Variants in GPC5 observed in about 807,000 individuals in gnomAD.
GPC5 encodes the protein glypican 5, also known as glypican-5.
GPC5 carries 47 observed loss-of-function variants against 53.9 expected under a neutral mutation model. That is an observed-to-expected ratio of 0.87 (90% CI 0.69 to 1.11). The LOEUF is 1.11. GPC5 is among the 50% of genes most tolerant of loss of function. The pLI, the probability that GPC5 is intolerant of heterozygous loss-of-function variation, is 0.00. For missense variants in GPC5, 748 were observed against 713.1 expected, an observed-to-expected ratio of 1.05 and a Z score of -0.56; for synonymous variants, 286 against 263.3, an observed-to-expected ratio of 1.09 and a Z score of -0.84.
intron 5 of GPC5, among the ~76,000 whole-genome samples, chr13:91,766,830 A>G (rs983073736): frequency 6.6e-6 from 1 of 152,208 alleles, no homozygotes; most frequent in Non-Finnish European, 1.5e-5. Context: ...ACTGCACTCC[A>G]GCCTGGGTGA....
intron 1 of GPC5, among the ~76,000 whole-genome samples, chr13:91,401,234 C>G (rs897821417): frequency 2.8e-4 from 43 of 151,824 alleles, no homozygotes; most frequent in African/African-American, 8.5e-4. Context: ...GTTGGTCATT[C>G]TTTTACAAAT....
At chr13:92,436,531 A>G (rs895521722) in intron 7 of GPC5, among the ~76,000 whole-genome samples, 4 of 152,058 alleles carry the variant, frequency 2.6e-5, no homozygotes, top group African/African-American at 7.2e-5. Context: ...CTTGCTTTCT[A>G]TTTCCCAGGC....
chr13:91,730,815 A>G (rs2036680721), intron 4 of GPC5, among the ~76,000 whole-genome samples: 1 of 152,196 alleles, frequency 6.6e-6, no homozygotes, highest in South Asian at 2.1e-4. Flanking sequence ...AAAGCACTCT[A>G]TCTCTTCCTG....
intron 2 of GPC5, among the ~76,000 whole-genome samples, chr13:91,598,465 GA>G (rs200914155): frequency 6.6e-6 from 1 of 151,782 alleles, no homozygotes; most frequent in East Asian, 1.9e-4. Context: ...ATCTAAAAAT[GA>G]AAAAAAGATT....
chr13:92,222,539 C>T (rs2042457195), intron 7 of GPC5, among the ~76,000 whole-genome samples: 1 of 152,114 alleles, frequency 6.6e-6, no homozygotes, highest in Non-Finnish European at 1.5e-5. Context: ...TTCGCACAGA[C>T]ACAAAACAAT....
intron 7 of GPC5, among the ~76,000 whole-genome samples, chr13:92,797,533 G>A (rs773204645): frequency 2.0e-5 from 3 of 151,838 alleles, no homozygotes; most frequent in Non-Finnish European, 4.4e-5. Flanking sequence ...AAGAAAACAG[G>A]TTTGGAGATC....
intron 7 of GPC5, among the ~76,000 whole-genome samples, chr13:92,328,132 G>A (rs2043264619): frequency 6.6e-6 from 1 of 152,134 alleles, no homozygotes; most frequent in Non-Finnish European, 1.5e-5. Context: ...ACCTTCTTGA[G>A]AATAGGAAAT....
chr13:92,635,783 G>A (rs1393236101), intron 7 of GPC5, among the ~76,000 whole-genome samples: 2 of 152,204 alleles, frequency 1.3e-5, no homozygotes, highest in African/African-American at 4.8e-5. Context: ...TCTTTACCAG[G>A]CTTAACGCCT....
At chr13:91,858,254 G>T (rs114500484) in intron 5 of GPC5, among the ~76,000 whole-genome samples, 3,428 of 151,964 alleles carry the variant, frequency 0.023, 66 homozygotes, top group Middle Eastern at 0.034. Context: ...CCAGGTCTTA[G>T]AGGAAAGGCT....
intron 7 of GPC5, among the ~76,000 whole-genome samples, chr13:92,637,261 G>A (rs1885438593): frequency 2.6e-5 from 4 of 152,116 alleles, no homozygotes; most frequent in Non-Finnish European, 5.9e-5. Flanking sequence ...GAGAATTTGG[G>A]AAAGAGAAGT....
intron 5 of GPC5, among the ~76,000 whole-genome samples, chr13:91,761,505 T>G (rs944903376): frequency 6.6e-6 from 1 of 152,094 alleles, no homozygotes; most frequent in South Asian, 2.1e-4. Context: ...CAGTTCCAAG[T>G]CCCATCCTCC....
At chr13:92,044,387 C>A (rs1235563692) in intron 6 of GPC5, among the ~76,000 whole-genome samples, 1 of 152,188 alleles carries the variant, frequency 6.6e-6, no homozygotes, top group Non-Finnish European at 1.5e-5. Context: ...GACTGCCACA[C>A]AGCAGCTGCC....
intron 2 of GPC5, among the ~76,000 whole-genome samples, chr13:91,632,104 G>A (rs2034172000): frequency 6.6e-6 from 1 of 152,160 alleles, no homozygotes; most frequent in South Asian, 2.1e-4. Flanking sequence ...GTGGAGAGAT[G>A]TCCTTTTAAA....
At chr13:92,757,971 G>A (rs200201670) in intron 7 of GPC5, among the ~76,000 whole-genome samples, 1 of 149,496 alleles carries the variant, frequency 6.7e-6, no homozygotes, top group African/African-American at 2.5e-5. Context: ...ACCCAGCCAT[G>A]CCATTCCTGG....
intron 2 of GPC5, among the ~76,000 whole-genome samples, chr13:91,685,764 C>T (rs1314841916): frequency 6.6e-6 from 1 of 152,006 alleles, no homozygotes; most frequent in African/African-American, 2.4e-5. Flanking sequence ...GATTTGAATA[C>T]ACTAAGAGGG....
intron 6 of GPC5, among the ~76,000 whole-genome samples, chr13:91,974,047 G>A (rs2040271849): frequency 6.6e-6 from 1 of 152,166 alleles, no homozygotes; most frequent in Admixed American, 6.5e-5. Context: ...AGAGGTTACT[G>A]CTGTCTTTTC....
intron 7 of GPC5, among the ~76,000 whole-genome samples, chr13:92,150,363 T>C (rs2138991677): frequency 6.6e-6 from 1 of 152,166 alleles, no homozygotes. Context: ...TACCATCTAG[T>C]GCAGTTTTGG....
intron 7 of GPC5, among the ~76,000 whole-genome samples, chr13:92,822,395 G>T (rs1001289628): frequency 2.6e-5 from 4 of 151,960 alleles, no homozygotes; most frequent in Admixed American, 2.6e-4. Flanking sequence ...GACTATTATT[G>T]TTCCCATTTT....
intron 7 of GPC5, among the ~76,000 whole-genome samples, chr13:92,551,905 A>C (rs569007534): frequency 6.6e-6 from 1 of 152,014 alleles, no homozygotes; most frequent in East Asian, 1.9e-4. Context: ...ACTGGAAATA[A>C]CTTTTAGCTG....
Sources: allele counts gnomAD v4.1 joint callset (sites outside exome capture counted in the v4.1 genomes callset), GRCh38; gene constraint gnomAD v4.1.1; transcripts MANE v1.5; gene names NCBI Gene and HGNC (gene_info 2026-07-23, HGNC 2026-07-21).